PTK2B: variants seen among roughly 807,000 people sequenced by gnomAD.
The protein encoded by PTK2B is protein-tyrosine kinase 2-beta.
A neutral mutation model predicts 142.9 loss-of-function variants in PTK2B; 71 were observed. That is an observed-to-expected ratio of 0.50 (90% confidence interval 0.41 to 0.61). The LOEUF (loss-of-function observed/expected upper bound fraction) is 0.61, where lower values mean the gene tolerates loss of function less well. PTK2B is among the 20% of genes least tolerant of loss of function. The probability of loss-of-function intolerance (pLI) is 0.00; values close to 1 mark genes in which losing one functional copy is unlikely to be tolerated. For synonymous variants in PTK2B, 519 were observed against 503.4 expected (o/e 1.03, Z -0.42); for missense variants, 1,105 against 1,320.4 (o/e 0.84, Z 2.53).
rs372161863 is a variant in PTK2B at position 27,436,264 on chromosome 8, C to T, written c.1257C>T (p.Gly419=). 2.5e-5 allele frequency: 41 copies of T among 1,614,148 alleles called. No homozygotes were observed. Among genetic ancestry groups the T allele is most frequent in the Middle Eastern group, 1.7e-4 (1 of 6,040 alleles). The change falls in exon 15 of 31, where the codon GGC becomes GGT. Residue 419 remains glycine (G), a synonymous_variant. Transcript: ENST00000346049. ...CTGTCTGTGCAGGTCCACAGTATGG[C>T]ATTGCCCGTGAAGATGTGGTCCTGA... The part of the protein sequence containing the change: ...TLRRPGGPQY[G]IAREDVVLNR...
chr8:27,424,885 G>A (rs1392836113), intron 5 of PTK2B, among the ~76,000 whole-genome samples: 1 of 151,336 alleles, frequency 6.6e-6, no homozygotes, highest in Non-Finnish European at 1.5e-5. Flanking sequence ...AAAAAAAATT[G>A]TATCATTTCC....
At chr8:27,413,224 A>G (rs1809176662) in intron 2 of PTK2B, among the ~76,000 whole-genome samples, 2 of 152,192 alleles carry the variant, frequency 1.3e-5, no homozygotes, top group Admixed American at 6.5e-5. Context: ...AAGTTGTAGT[A>G]TTGCTGCCCC....
Position 27,434,524 on chromosome 8 carries a change from C to T in PTK2B, c.1157C>T (p.Ala386Val). The T allele has an allele frequency of 1.2e-6, 2 of 1,608,906 alleles. No homozygotes were observed. The highest frequency in any genetic ancestry group is 1.7e-5 in the Admixed American group (1 of 59,688). The part of the protein sequence containing the change: ...LPQIPMLNLE[A>V]RRSHLSESCS... ...CTCACCTCCTACAGAAACCTGGAGG[C>T]CCGGCGGTCCCACCTCTCAGAGAGC... The change falls in exon 13 of 31, where the codon GCC (alanine) becomes GTC (valine). Residue 386 changes from alanine (A) to valine (V), a missense_variant. Physicochemically the swap from Ala to Val is moderately conservative, Grantham distance 64. Coordinates refer to ENST00000346049, the MANE Select transcript of PTK2B (RefSeq NM_173176.3).
intron 11 of PTK2B, among the ~76,000 whole-genome samples, chr8:27,433,836 G>A (rs1390952065): frequency 2.6e-5 from 4 of 152,182 alleles, no homozygotes; most frequent in Non-Finnish European, 2.9e-5. Context: ...GGCTGGTCCC[G>A]CCTGTGTGTG....
At chr8:27,448,322 TTAAA>T (rs1371339379) in intron 24 of PTK2B, among the ~76,000 whole-genome samples, 1 of 152,264 alleles carries the variant, frequency 6.6e-6, no homozygotes, top group African/African-American at 2.4e-5. Flanking sequence ...GAGAGTCATT[TTAAA>T]ACACCATGAG....
Position 27,430,288 on chromosome 8 carries a change from C to T in PTK2B, c.615-76C>T, listed in dbSNP as rs891678882. ...TCTCTAGGTCCCAAAGCCCTCTCAC[C>T]TCTTCCTGATTGGCCCGCAGTCCTG... On this transcript the variant is annotated intron_variant, in intron 6 of 30. Coordinates refer to ENST00000346049, the MANE Select transcript of PTK2B (RefSeq NM_173176.3). 6.2e-6 allele frequency: 10 copies of T among 1,601,756 alleles called. No homozygotes were observed. The African/African-American group carries it at 1.3e-4, about 21-fold the overall frequency.
rs143169594 is a variant in PTK2B at position 27,445,804 on chromosome 8, G to T, written c.2225G>T (p.Gly742Val). ...GCTTTTCCTGAATAGGTTCCTGAGG[G>T]TCTGTGTGCCAGCTCTCCTACGCTC... Reference protein sequence around the residue: ...APKLQFQVPEGLCASSPTLTS... With the variant: ...APKLQFQVPEVLCASSPTLTS... Residue 742 changes from glycine to valine, a missense_variant, in exon 24 of 31, where the codon GGT becomes GTT. By Grantham distance (109) the Gly-to-Val change is moderately radical (BLOSUM62 -3). Coordinates refer to ENST00000346049, the MANE Select transcript of PTK2B (RefSeq NM_173176.3). The T allele has an allele frequency of 1.7e-4, 278 of 1,613,818 alleles. No individual in the cohort carries two copies. The African/African-American group carries it at 3.5e-3, about 20-fold the overall frequency.
At chr8:27,441,003 C>G (rs1007954432) in intron 21 of PTK2B, among the ~76,000 whole-genome samples, 5 of 152,078 alleles carry the variant, frequency 3.3e-5, no homozygotes, top group Non-Finnish European at 7.4e-5. Flanking sequence ...CCCCAGTTTT[C>G]TTGGTGGCAA....
At chr8:27,455,523 TG>T (rs375818834) in intron 30 of PTK2B, among the ~76,000 whole-genome samples, 5 of 152,188 alleles carry the variant, frequency 3.3e-5, no homozygotes, top group African/African-American at 1.2e-4. Flanking sequence ...CACTCCAGCC[TG>T]GGTAACAGCA....
intron 5 of PTK2B, among the ~76,000 whole-genome samples, chr8:27,428,076 C>T (rs1243696151): frequency 6.6e-6 from 1 of 152,068 alleles, no homozygotes; most frequent in African/African-American, 2.4e-5. Context: ...CTAGACAGTC[C>T]ATCTGGATGT....
chr8:27,454,351 G>A, intron 29 of PTK2B, 60 bp downstream of exon 29: 2 of 1,584,782 alleles, frequency 1.3e-6, no homozygotes, highest in South Asian at 1.1e-5. Context: ...GGAAGGAAAG[G>A]GGACTGCGCT....
At chr8:27,320,980 CTTTTTTTTTTTTT>C (rs776395346), upstream of PTK2B, among the ~76,000 whole-genome samples, 11 of 39,398 alleles carry the variant, frequency 2.8e-4, 1 homozygote, top group Non-Finnish European at 4.1e-4. Context: ...ATACAAAAGG[CTTTTTTTTTTTTT>C]TTTTTTTTTT....
At chr8:27,456,964 A>C (rs1812176603) in intron 30 of PTK2B, among the ~76,000 whole-genome samples, 1 of 152,240 alleles carries the variant, frequency 6.6e-6, no homozygotes, top group Admixed American at 6.5e-5. Flanking sequence ...AGGTTGGTTC[A>C]TGAGGCTCAA....
intron 1 of PTK2B, among the ~76,000 whole-genome samples, chr8:27,364,845 A>G (rs1213079080): frequency 1.3e-5 from 2 of 152,090 alleles, no homozygotes; most frequent in Admixed American, 1.3e-4. Flanking sequence ...TTTCCTCATT[A>G]TCGCCCCCAT....
intron 5 of PTK2B, among the ~76,000 whole-genome samples, chr8:27,428,463 G>T (rs115443490): frequency 0.012 from 1,796 of 152,288 alleles, 38 homozygotes; most frequent in African/African-American, 0.041. Context: ...ACCTCCCTCT[G>T]TCAGACACTC....
chr8:27,364,133 A>G lies in PTK2B; in HGVS notation c.-37-33415A>G, dbSNP rs73679174. On this transcript the variant is annotated intron_variant, in intron 1 of 30. Coordinates refer to ENST00000346049, the MANE Select transcript of PTK2B (RefSeq NM_173176.3). ...AAGCCAGGGTTCAGGATAGTTGGAA[A>G]TAAGTCTGTGCATGACTAGCAAGGG... Among the ~76,000 whole-genome samples, 951 of 152,342 alleles carry G rather than the reference A, an allele frequency of 6.2e-3. 11 individuals carry two copies. The highest frequency in any genetic ancestry group is 0.022 in the African/African-American group (925 of 41,590).
chr8:27,311,033 T>G, upstream of PTK2B: 1 of 1,604,880 alleles, frequency 6.2e-7, no homozygotes, highest in South Asian at 1.1e-5. Flanking sequence ...GGTGCGCAGG[T>G]CGGCGGGTGA....
At chr8:27,414,971 T>C (rs1458347430) in intron 2 of PTK2B, among the ~76,000 whole-genome samples, 1 of 152,034 alleles carries the variant, frequency 6.6e-6, no homozygotes, top group Non-Finnish European at 1.5e-5. Context: ...AAGAGAAAAA[T>C]AGAATGAATT....
chr8:27,433,675 C>A, intron 11 of PTK2B, 123 bp downstream of exon 11: 2 of 871,256 alleles, frequency 2.3e-6, no homozygotes, highest in Non-Finnish European at 3.6e-6. Flanking sequence ...TCCCCCACAG[C>A]CCAGCGGGAA....
Sources: gnomAD v4.1 joint callset for allele counts (sites outside exome capture counted in the v4.1 genomes callset) on GRCh38, gnomAD v4.1.1 for gene constraint, MANE v1.5 for transcripts, NCBI Gene and HGNC (gene_info 2026-07-23, HGNC 2026-07-21) for gene names.